The following MIPOL1 variants were observed in gnomAD, a reference collection of about 807,000 sequenced individuals.
MIPOL1 encodes the protein mirror-image polydactyly 1, also known as mirror-image polydactyly gene 1 protein.
Under a neutral mutation model 60.9 loss-of-function variants are expected in MIPOL1, and 57 were observed. That is an observed-to-expected ratio of 0.94 (90% CI 0.76 to 1.17). The LOEUF is 1.17. Among genes scored for constraint, MIPOL1 ranks in the 50% most tolerant of loss-of-function variants. MIPOL1 has a pLI of 0.00. For synonymous variants in MIPOL1, 179 were observed against 168.8 expected (o/e 1.06, Z -0.47); for missense variants, 551 against 511.6 (o/e 1.08, Z -0.74).
At chr14:37,428,728 A>G (rs1487387802) in intron 11 of MIPOL1, among the ~76,000 whole-genome samples, 1 of 139,442 alleles carries the variant, frequency 7.2e-6, no homozygotes, top group African/African-American at 2.7e-5. Flanking sequence ...ATTCCCTTGT[A>G]TGGAAATAAG....
intron 10 of MIPOL1, among the ~76,000 whole-genome samples, chr14:37,372,474 C>G (rs1288008382): frequency 6.6e-6 from 1 of 151,944 alleles, no homozygotes; most frequent in East Asian, 1.9e-4. Context: ...ATTTTGCAGG[C>G]CAGGCGTGGT....
At chr14:37,245,691 TGAA>T (rs1417523562) in intron 1 of MIPOL1, among the ~76,000 whole-genome samples, 2 of 152,138 alleles carry the variant, frequency 1.3e-5, no homozygotes, top group Non-Finnish European at 2.9e-5. Flanking sequence ...TTGCATTTTT[TGAA>T]GAAGTAAACA....
intron 7 of MIPOL1, among the ~76,000 whole-genome samples, chr14:37,299,117 A>G (rs2086099000): frequency 6.6e-6 from 1 of 152,224 alleles, no homozygotes; most frequent in African/African-American, 2.4e-5. Flanking sequence ...CTCTGCAGCC[A>G]TAAAAAATGA....
At position 37,549,830 on chromosome 14, in the gene MIPOL1, T is replaced by C. The variant is rs1204127805; in HGVS notation, c.*2859T>C. 2.0e-5 allele frequency: 3 copies of C among 151,962 alleles called. No individual in the cohort carries two copies. The highest frequency in any genetic ancestry group is 3.8e-4 in the East Asian group (2 of 5,202). 9.4% of individuals were successfully genotyped at this position (151,962 alleles called of 1,614,324 possible). On this transcript the variant is annotated 3_prime_UTR_variant, in exon 13 of 13. Coordinates refer to ENST00000684589, the MANE Select transcript of MIPOL1 (RefSeq NM_001388067.1). ...TCACTAATTAGGAATATTGTGACAA[T>C]TCATTGCTAATAAAACATAACATGA... is the stretch of plus-strand genomic sequence containing the variant.
chr14:37,303,659 G>C (rs1021828166), intron 7 of MIPOL1, among the ~76,000 whole-genome samples: 2 of 151,634 alleles, frequency 1.3e-5, no homozygotes, highest in African/African-American at 4.8e-5. Context: ...AATGGGAATG[G>C]GAGAAAAGGA....
At chr14:37,417,559 G>A (rs892026259) in intron 10 of MIPOL1, among the ~76,000 whole-genome samples, 2 of 152,078 alleles carry the variant, frequency 1.3e-5, no homozygotes, top group African/African-American at 4.8e-5. Context: ...TTTGAAAATA[G>A]CTTTTAACTT....
intron 11 of MIPOL1, among the ~76,000 whole-genome samples, chr14:37,443,547 C>T (rs1330705783): frequency 6.6e-6 from 1 of 150,820 alleles, no homozygotes; most frequent in Admixed American, 6.6e-5. Context: ...AAACTTCAGG[C>T]CCAAGTGTCT....
chr14:37,317,750 G>A (rs1037228090), intron 9 of MIPOL1, among the ~76,000 whole-genome samples: 9 of 152,106 alleles, frequency 5.9e-5, no homozygotes, highest in Non-Finnish European at 1.2e-4. Flanking sequence ...TAAAGATTTC[G>A]AATATAGCAA....
In MIPOL1 at chr14:37,473,917, TTTTA is replaced by T. The variant is rs201679416; in HGVS notation, c.1032-25987_1032-25984del. Among the ~76,000 whole-genome samples the T allele has an allele frequency of 9.6e-3, 1,462 of 152,272 alleles. 25 individuals carry two copies. Among genetic ancestry groups the T allele is most frequent in the African/African-American group, 0.033 (1,383 of 41,548 alleles). ...TGTGCTTTTTATGCATGCCCATACT[TTTTA>T]TTTGTCTCCCTTCCTCTGAATCCCT... On this transcript the variant is annotated intron_variant, in intron 11 of 12. Transcript: ENST00000684589.
chr14:37,422,455 A>G (rs777622554), intron 10 of MIPOL1, among the ~76,000 whole-genome samples: 20 of 152,012 alleles, frequency 1.3e-4, no homozygotes, highest in Non-Finnish European at 2.9e-4. Context: ...TTAAAAGAAA[A>G]TCTAGTATGT....
chr14:37,483,700 A>ATC (rs2094907616), intron 11 of MIPOL1, among the ~76,000 whole-genome samples: 1 of 151,830 alleles, frequency 6.6e-6, no homozygotes, highest in African/African-American at 2.4e-5. Flanking sequence ...CAGTGGCATG[A>ATC]CTGTAGCTCA....
At chr14:37,201,110 G>T (rs145000280) in intron 1 of MIPOL1, among the ~76,000 whole-genome samples, 1 of 151,666 alleles carries the variant, frequency 6.6e-6, no homozygotes, top group Non-Finnish European at 1.5e-5. Flanking sequence ...TTGCCATGTT[G>T]CCCAGGCTGG....
rs562048033 is a variant in MIPOL1, at chr14:37,298,851, G to A, written c.624-9205G>A. On this transcript the variant is annotated intron_variant, in intron 7 of 12. Coordinates refer to ENST00000684589, the MANE Select transcript of MIPOL1 (RefSeq NM_001388067.1). ...AGGAACACTTTTACACTGTTGGTGG[G>A]ACTGTAAACTAGTTCAACCATTGTG... Among the ~76,000 whole-genome samples the A allele has an allele frequency of 1.4e-4, 21 of 150,470 alleles. No individual in the cohort carries two copies. The East Asian group carries it at 3.7e-3, about 26-fold the overall frequency.
intron 9 of MIPOL1, among the ~76,000 whole-genome samples, chr14:37,345,618 G>A (rs2090893719): frequency 6.6e-6 from 1 of 151,994 alleles, no homozygotes; most frequent in Admixed American, 6.6e-5. Flanking sequence ...GTACACTCTT[G>A]TTCCAGATCT....
At chr14:37,479,353 GACC>G (rs1292873759) in intron 11 of MIPOL1, among the ~76,000 whole-genome samples, 2 of 151,950 alleles carry the variant, frequency 1.3e-5, no homozygotes, top group African/African-American at 4.8e-5. Flanking sequence ...GTATTTTTTT[GACC>G]ACGTTAGTAT....
chr14:37,212,871 A>T (rs1371196359), intron 1 of MIPOL1, among the ~76,000 whole-genome samples: 3 of 152,072 alleles, frequency 2.0e-5, no homozygotes, highest in Non-Finnish European at 2.9e-5. Context: ...CATAGAACAG[A>T]GAGAGAGAGA....
chr14:37,321,265 A>T (rs890338266), intron 9 of MIPOL1, among the ~76,000 whole-genome samples: 2 of 151,960 alleles, frequency 1.3e-5, no homozygotes, highest in African/African-American at 4.8e-5. Context: ...TTGATATGCC[A>T]TTTCTCATTA....
chr14:37,440,123 A>T (rs2094218533), intron 11 of MIPOL1, among the ~76,000 whole-genome samples: 1 of 152,242 alleles, frequency 6.6e-6, no homozygotes, highest in Non-Finnish European at 1.5e-5. Context: ...CTAGGATTAC[A>T]GGCATGAGCC....
chr14:37,407,924 A>G (rs754431244), intron 10 of MIPOL1, among the ~76,000 whole-genome samples: 5 of 132,456 alleles, frequency 3.8e-5, no homozygotes, highest in Non-Finnish European at 6.1e-5. Flanking sequence ...ATCATGGCTC[A>G]CTGCAACCTG....
Sources: gnomAD v4.1 joint callset for allele counts (sites outside exome capture counted in the v4.1 genomes callset) on GRCh38, gnomAD v4.1.1 for gene constraint, MANE v1.5 for transcripts, NCBI Gene and HGNC (gene_info 2026-07-23, HGNC 2026-07-21) for gene names.